Variants in CRTC1 observed in about 807,000 individuals in gnomAD.
CRTC1 encodes the protein CREB regulated transcription coactivator 1.
Under a neutral mutation model 66.1 loss-of-function variants are expected in CRTC1, and 18 were observed. That is an observed-to-expected ratio of 0.27 (90% CI 0.19 to 0.40). CRTC1 has a LOEUF of 0.40. CRTC1 is among the 10% of genes least tolerant of loss of function. The pLI, the probability that CRTC1 is intolerant of heterozygous loss-of-function variation, is 1.00. For missense variants in CRTC1, 669 were observed against 887.9 expected, an observed-to-expected ratio of 0.75 and a Z score of 3.13; for synonymous variants, 416 against 398.8, an observed-to-expected ratio of 1.04 and a Z score of -0.51.
Position 18,771,304 on chromosome 19 carries a change from T to G in CRTC1, c.1321-138T>G. On this transcript the variant is annotated intron_variant, in intron 10 of 13. Transcript: ENST00000321949. This position sits in a 1 kb window ranked among gnomAD's most constrained non-coding sequence, Gnocchi z 4.6. ...GTGTCCAGGCTCCTCTGCCTACCAG[T>G]GGGGTGGCGACCATCACCAAGGTGT... 1.5e-6 allele frequency: 1 copy of G among 647,336 alleles called. No homozygotes were observed. The highest frequency in any genetic ancestry group is 2.6e-6 in the Non-Finnish European group (1 of 383,572). 40.1% of individuals were successfully genotyped at this position (647,336 alleles called of 1,614,324 possible).
At position 18,753,082 on chromosome 19, in the gene CRTC1, A is replaced by G. The variant is rs531515994; in HGVS notation, c.539-418A>G. Reference sequence around the variant, plus strand: ...AGATCGAGACCATCCTGGCTAACACAGTGAAACCCCGTCTCTACTAAAAAT... The same window carrying G: ...AGATCGAGACCATCCTGGCTAACACGGTGAAACCCCGTCTCTACTAAAAAT... On this transcript the variant is annotated intron_variant, in intron 5 of 13. Transcript: ENST00000321949. Among the ~76,000 whole-genome samples, 16 of 151,802 alleles carry G rather than the reference A, an allele frequency of 1.1e-4. 1 individual carries two copies. Among genetic ancestry groups the G allele is most frequent in the South Asian group, 6.2e-4 (3 of 4,806 alleles).
In CRTC1 at chr19:18,777,237, T is replaced by A. The variant is rs776083448; in HGVS notation, c.1760T>A (p.Val587Asp). The A allele has an allele frequency of 6.5e-7, 1 of 1,533,160 alleles. No individual in the cohort carries two copies. Among genetic ancestry groups the A allele is most frequent in the Non-Finnish European group, 8.8e-7 (1 of 1,133,350 alleles). 95.0% of individuals were successfully genotyped at this position (1,533,160 alleles called of 1,614,324 possible). A position where few individuals can be genotyped will look rare whatever the true frequency, so the allele number is the denominator to read the frequency against. ...LTSSLAGVGD[V>D]SFDSDSQFPL... ...AGCTCTCTGGCCGGGGTCGGCGACG[T>A]CAGCTTCGACTCCGACAGCCAGTTT... The change falls in exon 14 of 14, where the codon GTC (valine) becomes GAC (aspartate). Residue 587 changes from valine to aspartate, a missense_variant. Val to Asp is a radical substitution (Grantham distance 152). Around this residue, in one of 8 missense-constraint regions of CRTC1, gnomAD observed 91 missense variants for 99.1 expected, o/e 0.92. Transcript: ENST00000321949. This position sits in a 1 kb window ranked among gnomAD's most constrained non-coding sequence, Gnocchi z 5.5.
At chr19:18,737,584 C>G (rs976623351) in intron 1 of CRTC1, among the ~76,000 whole-genome samples, 2 of 152,050 alleles carry the variant, frequency 1.3e-5, no homozygotes, top group African/African-American at 4.8e-5. Context: ...CAAAAAGATA[C>G]GTCCACACTC....
intron 6 of CRTC1, among the ~76,000 whole-genome samples, chr19:18,758,927 C>T (rs2054552100): frequency 6.6e-6 from 1 of 152,232 alleles, no homozygotes; most frequent in Non-Finnish European, 1.5e-5. Context: ...TCTAGGGACA[C>T]TTAGCCTCGG....
chr19:18,703,297 T>C (rs914453974), intron 1 of CRTC1, among the ~76,000 whole-genome samples: 2 of 152,130 alleles, frequency 1.3e-5, no homozygotes. Flanking sequence ...CCTCCCAAAG[T>C]GCTGGGATTA....
At chr19:18,732,042 G>A (rs2053901900) in intron 1 of CRTC1, among the ~76,000 whole-genome samples, 1 of 152,234 alleles carries the variant, frequency 6.6e-6, no homozygotes, top group South Asian at 2.1e-4. Context: ...CCCAGTTTCA[G>A]ATACACCTGT....
At chr19:18,702,948 A>C (rs548809482) in intron 1 of CRTC1, among the ~76,000 whole-genome samples, 2 of 151,216 alleles carry the variant, frequency 1.3e-5, no homozygotes, top group Admixed American at 6.6e-5. Context: ...TCCAGTTGTC[A>C]CAGTTCTTTT....
chr19:18,713,730 C>G lies in CRTC1; in HGVS notation c.127-29180C>G, dbSNP rs534579094. On this transcript the variant is annotated intron_variant, in intron 1 of 13. Coordinates refer to ENST00000321949, the MANE Select transcript of CRTC1 (RefSeq NM_015321.3). ...AGGTCCATTTGGAATATTCCACTTG[C>G]GCGTGAAGCAAAGGCCCAAGTATAT... Among the ~76,000 whole-genome samples the G allele has an allele frequency of 2.6e-5, 4 of 152,328 alleles. No individual in the cohort carries two copies. In the South Asian group the frequency reaches 6.2e-4, roughly 24 times the overall value.
rs555480780 is a variant in CRTC1, at chr19:18,771,396, G to T, written c.1321-46G>T. 5.2e-6 allele frequency: 8 copies of T among 1,532,118 alleles called. No homozygotes were observed. The highest frequency in any genetic ancestry group is 1.8e-5 in the Admixed American group (1 of 54,576). 94.9% of individuals were successfully genotyped at this position (1,532,118 alleles called of 1,614,324 possible). A position where few individuals can be genotyped will look rare whatever the true frequency, so the allele number is the denominator to read the frequency against. On this transcript the variant is annotated intron_variant, in intron 10 of 13. Coordinates refer to ENST00000321949, the MANE Select transcript of CRTC1 (RefSeq NM_015321.3). The surrounding 1 kb of genome is among the most constrained non-coding windows in gnomAD (Gnocchi z 4.6). ...CCGGGAAGCAGGGACTGGAGCCCGG[G>T]CTTGGGCAGCTGGGCTGCGGCGTGC...
chr19:18,702,177 C>T (rs1038291179), intron 1 of CRTC1, among the ~76,000 whole-genome samples: 25 of 151,940 alleles, frequency 1.6e-4, no homozygotes, highest in Non-Finnish European at 3.1e-4. Context: ...CCCGCCTCAG[C>T]CTCCCAAAGT....
intron 6 of CRTC1, among the ~76,000 whole-genome samples, chr19:18,753,962 A>G (rs1478541336): frequency 1.3e-5 from 2 of 152,082 alleles, no homozygotes; most frequent in Non-Finnish European, 1.5e-5. Context: ...TTAGCTGGGT[A>G]TGGTAGTGCA....
chr19:18,745,330 C>T (rs2054206476), intron 2 of CRTC1, among the ~76,000 whole-genome samples: 1 of 152,206 alleles, frequency 6.6e-6, no homozygotes, highest in Non-Finnish European at 1.5e-5. Flanking sequence ...CCCAGGAACT[C>T]GCGCTTGGCC....
intron 10 of CRTC1, among the ~76,000 whole-genome samples, chr19:18,770,827 C>T (rs2054846758): frequency 7.2e-6 from 1 of 139,052 alleles, no homozygotes; most frequent in Non-Finnish European, 1.6e-5. Context: ...TGGGTGTGTC[C>T]ATGTGGGTGT....
At chr19:18,754,026 T>C (rs2054430422) in intron 6 of CRTC1, among the ~76,000 whole-genome samples, 1 of 146,460 alleles carries the variant, frequency 6.8e-6, no homozygotes, top group Non-Finnish European at 1.5e-5. Context: ...GTTTGAAACC[T>C]GGAGGCAGAG....
At chr19:18,709,096 C>T (rs955335479) in intron 1 of CRTC1, among the ~76,000 whole-genome samples, 1 of 152,158 alleles carries the variant, frequency 6.6e-6, no homozygotes, top group Non-Finnish European at 1.5e-5. Context: ...GTTTCTGGAG[C>T]AGCAGGTGCC....
intron 1 of CRTC1, among the ~76,000 whole-genome samples, chr19:18,733,954 C>G (rs553262192): frequency 6.6e-6 from 1 of 151,970 alleles, no homozygotes; most frequent in Non-Finnish European, 1.5e-5. Context: ...ACTAAAAATA[C>G]AAAAATTCGC....
intron 1 of CRTC1, among the ~76,000 whole-genome samples, chr19:18,724,002 A>T (rs571693208): frequency 2.0e-5 from 3 of 152,198 alleles, no homozygotes. Flanking sequence ...CAGACACTGT[A>T]TGCTGCACTT....
At chr19:18,720,225 G>A (rs757700528) in intron 1 of CRTC1, among the ~76,000 whole-genome samples, 9 of 152,110 alleles carry the variant, frequency 5.9e-5, no homozygotes, top group Non-Finnish European at 1.2e-4. Flanking sequence ...GTGTAGTGAC[G>A]CGATCTCGTG....
At chr19:18,763,124 A>G (rs2054652427) in intron 8 of CRTC1, among the ~76,000 whole-genome samples, 1 of 151,620 alleles carries the variant, frequency 6.6e-6, no homozygotes, top group African/African-American at 2.4e-5. Flanking sequence ...TTTTTGAGAC[A>G]AAGTCTCACT....
Sources: allele counts gnomAD v4.1 joint callset (sites outside exome capture counted in the v4.1 genomes callset), GRCh38; gene constraint gnomAD v4.1.1; regional missense constraint gnomAD v4.1.1; non-coding constraint Gnocchi (gnomAD v3.1); transcripts MANE v1.5; gene names NCBI Gene and HGNC (gene_info 2026-07-23, HGNC 2026-07-21).